Variants in GDPD5 observed in about 807,000 individuals in gnomAD.
The protein encoded by GDPD5 is glycerophosphodiester phosphodiesterase 2.
GDPD5 carries 48 observed loss-of-function variants against 75.1 expected under a neutral mutation model. The ratio of observed to expected loss-of-function variants is 0.64; its 90% CI spans 0.51 to 0.81. The LOEUF (loss-of-function observed/expected upper bound fraction) is 0.81. Ranked by LOEUF, GDPD5 falls within the 40% of genes least tolerant of loss-of-function variation. GDPD5 has a pLI of 0.00. For synonymous variants in GDPD5, 336 were observed against 339.0 expected, an observed-to-expected ratio of 0.99 and a Z score of 0.10; for missense variants, 706 against 822.6, an observed-to-expected ratio of 0.86 and a Z score of 1.73.
At chr11:75,505,047 G>A (rs904650971) in intron 1 of GDPD5, among the ~76,000 whole-genome samples, 1 of 151,920 alleles carries the variant, frequency 6.6e-6, no homozygotes, top group Non-Finnish European at 1.5e-5. Flanking sequence ...GCTTGAACCC[G>A]GGAGGCAGAG....
chr11:75,487,065 GA>G (rs1950033335), intron 2 of GDPD5, among the ~76,000 whole-genome samples: 1 of 152,150 alleles, frequency 6.6e-6, no homozygotes, highest in Non-Finnish European at 1.5e-5. Flanking sequence ...GGGGAGACAG[GA>G]AAGATTCTGG....
chr11:75,513,663 C>G (rs1490935574), intron 1 of GDPD5, among the ~76,000 whole-genome samples: 4 of 152,256 alleles, frequency 2.6e-5, no homozygotes, highest in Non-Finnish European at 5.9e-5. Context: ...CTAGTCACAG[C>G]CTAGAACTCC....
rs1342281683 is a variant in GDPD5 at position 75,435,474 on chromosome 11, T to C, written c.*33A>G. 10 of 1,533,980 alleles carry C rather than the reference T, an allele frequency of 6.5e-6. No individual in the cohort carries two copies. Among genetic ancestry groups the C allele is most frequent in the Non-Finnish European group, 8.8e-6 (10 of 1,138,014 alleles). On this transcript the variant is annotated 3_prime_UTR_variant, in exon 17 of 17. Coordinates refer to ENST00000336898, the MANE Select transcript of GDPD5 (RefSeq NM_030792.8). ...GCTCTCCTAGGCTCCCCAGCTTCTG[T>C]GTCAGGTACAGGTGGGACAGACATG... is the stretch of plus-strand genomic sequence containing the variant.
Position 75,462,772 on chromosome 11 carries a change from C to T in GDPD5, c.221+14G>A, listed in dbSNP as rs1592093952. The T allele has an allele frequency of 6.2e-7, 1 of 1,602,074 alleles. No homozygotes were observed. Among genetic ancestry groups the T allele is most frequent in the Non-Finnish European group, 8.6e-7 (1 of 1,169,550 alleles). ...TCTGGGCCCCTTCCTCCCCCACCCA[C>T]TGCCCCTACTCACCAGTTGAATTCA... On this transcript the variant is annotated intron_variant, in intron 4 of 16. Transcript: ENST00000336898.
intron 3 of GDPD5, among the ~76,000 whole-genome samples, chr11:75,469,172 A>G (rs1232239340): frequency 6.6e-6 from 1 of 152,200 alleles, no homozygotes; most frequent in African/African-American, 2.4e-5. Context: ...TGCAGAGGCC[A>G]GGCCTGGCTC....
intron 13 of GDPD5, 89 bp downstream of exon 13, chr11:75,441,552 GTGTGT>G: frequency 8.2e-7 from 1 of 1,221,668 alleles, no homozygotes; most frequent in Non-Finnish European, 1.1e-6. Context: ...CCGTGTGTGT[GTGTGT>G]GTGTGTGTGT....
chr11:75,490,422 C>T (rs1164400233), intron 1 of GDPD5, 102 bp from the exon 2 acceptor site: 2 of 152,354 alleles, frequency 1.3e-5, no homozygotes, highest in African/African-American at 2.4e-5. Flanking sequence ...TGTTCCCTCC[C>T]TGTGCTGGGT....
At chr11:75,486,102 G>A (rs753269603) in intron 2 of GDPD5, among the ~76,000 whole-genome samples, 1 of 152,124 alleles carries the variant, frequency 6.6e-6, no homozygotes, top group Non-Finnish European at 1.5e-5. Context: ...GAGCACCCTT[G>A]GCTGATCTCC....
intron 1 of GDPD5, among the ~76,000 whole-genome samples, chr11:75,491,578 G>A (rs1171709585): frequency 6.6e-6 from 1 of 152,216 alleles, no homozygotes; most frequent in Non-Finnish European, 1.5e-5. Context: ...ACCACAATTT[G>A]AGTAGCAAGG....
At chr11:75,468,371 C>T (rs1433348952) in intron 3 of GDPD5, among the ~76,000 whole-genome samples, 2 of 152,242 alleles carry the variant, frequency 1.3e-5, no homozygotes, top group East Asian at 1.9e-4. Flanking sequence ...ACTCCACTGG[C>T]TCCTGGGAAG....
intron 2 of GDPD5, among the ~76,000 whole-genome samples, chr11:75,484,302 T>C (rs901455793): frequency 2.6e-5 from 4 of 152,184 alleles, no homozygotes; most frequent in Admixed American, 6.5e-5. Context: ...GGAAGTCACA[T>C]GAATGTCTGC....
chr11:75,503,690 G>C (rs1950337390), intron 1 of GDPD5, among the ~76,000 whole-genome samples: 1 of 152,248 alleles, frequency 6.6e-6, no homozygotes, highest in Non-Finnish European at 1.5e-5. Context: ...CAGGTGCAAG[G>C]CAAGGACCTT....
At chr11:75,435,687 C>A in intron 16 of GDPD5, 32 bp from the exon 17 acceptor site, 2 of 1,563,182 alleles carry the variant, frequency 1.3e-6, no homozygotes, top group South Asian at 1.2e-5. Flanking sequence ...GAATGTGAGT[C>A]GGGGAGGAGG....
At chr11:75,458,078 A>G (rs1454142158) in intron 4 of GDPD5, among the ~76,000 whole-genome samples, 1 of 152,148 alleles carries the variant, frequency 6.6e-6, no homozygotes, top group Non-Finnish European at 1.5e-5. Flanking sequence ...CCCCGCCCCC[A>G]TGCCTATATG....
At chr11:75,496,862 C>T (rs1815674884) in intron 1 of GDPD5, among the ~76,000 whole-genome samples, 1 of 139,186 alleles carries the variant, frequency 7.2e-6, no homozygotes, top group Admixed American at 8.2e-5. Context: ...CTCACTGCAA[C>T]CTCCGCCTCC....
chr11:75,441,543 C>CGTGTGT (rs34643232), intron 13 of GDPD5, 103 bp downstream of exon 13: 88 of 952,918 alleles, frequency 9.2e-5, no homozygotes, highest in East Asian at 5.4e-4. Flanking sequence ...TCTGCCCGAC[C>CGTGTGT]GTGTGTGTGT....
intron 1 of GDPD5, among the ~76,000 whole-genome samples, chr11:75,524,029 C>T (rs1565229761): frequency 2.0e-5 from 3 of 152,230 alleles, no homozygotes; most frequent in Admixed American, 6.5e-5. Flanking sequence ...AGAGTCCATG[C>T]CAAGGGCTCT....
chr11:75,452,474 T>C (rs1407835942), intron 6 of GDPD5: 3 of 152,196 alleles, frequency 2.0e-5, no homozygotes, highest in Non-Finnish European at 4.4e-5. Context: ...GAGCATGATA[T>C]GGGAACAGGA....
intron 3 of GDPD5, among the ~76,000 whole-genome samples, chr11:75,473,843 C>CT (rs1177694708): frequency 6.6e-6 from 1 of 152,180 alleles, no homozygotes; most frequent in Non-Finnish European, 1.5e-5. Flanking sequence ...CCAGCTCGGG[C>CT]AAGCCTTCCC....
Sources: allele counts gnomAD v4.1 joint callset (sites outside exome capture counted in the v4.1 genomes callset), GRCh38; gene constraint gnomAD v4.1.1; transcripts MANE v1.5; gene names NCBI Gene and HGNC (gene_info 2026-07-23, HGNC 2026-07-21).